DPP10: variants seen among roughly 807,000 people sequenced by gnomAD.
DPP10 encodes the protein dipeptidyl peptidase like 10.
DPP10 carries 33 observed loss-of-function variants against 120.9 expected under a neutral mutation model. The observed-to-expected ratio is 0.27, with a 90% confidence interval of 0.21 to 0.37. DPP10 has a LOEUF of 0.37. DPP10 is among the 10% of genes least tolerant of loss of function. The probability of loss-of-function intolerance (pLI) is 1.00; values close to 1 mark genes in which losing one functional copy is unlikely to be tolerated. For synonymous variants in DPP10, 337 were observed against 326.1 expected (o/e 1.03, Z -0.36); for missense variants, 816 against 942.8 (o/e 0.87, Z 1.76).
chr2:114,667,287 T>C (rs1000158011), intron 1 of DPP10, among the ~76,000 whole-genome samples: 1 of 152,208 alleles, frequency 6.6e-6, no homozygotes, highest in African/African-American at 2.4e-5. Context: ...CCTTAAACTA[T>C]AGTCATTGCC....
rs1008925789 is a variant in DPP10, at chr2:114,849,016, TA to T, written c.60+406180del. On this transcript the variant is annotated intron_variant, in intron 1 of 25. Coordinates refer to ENST00000410059, the MANE Select transcript of DPP10 (RefSeq NM_020868.6). ...TCTGGGGCCTCTTTTATAAGGGCAC[TA>T]ATCCCATTCATGAGAGCACTGCAAT... 5.2e-4 allele frequency among the ~76,000 whole-genome samples: 79 copies of T among 152,186 alleles called. 1 individual carries two copies. The highest frequency in any genetic ancestry group is 3.9e-3 in the Admixed American group (60 of 15,282).
intron 7 of DPP10, among the ~76,000 whole-genome samples, chr2:115,720,499 T>C (rs1247565634): frequency 6.6e-6 from 1 of 152,148 alleles, no homozygotes; most frequent in Non-Finnish European, 1.5e-5. Flanking sequence ...ATAAAGGTTT[T>C]GCAACAGCTT....
chr2:114,710,874 G>A (rs1043566003), intron 1 of DPP10, among the ~76,000 whole-genome samples: 2 of 152,216 alleles, frequency 1.3e-5, no homozygotes, highest in Non-Finnish European at 2.9e-5. Flanking sequence ...ATACAGACAA[G>A]GGTTGTTCCA....
At chr2:115,515,517 G>GT (rs2077456520) in intron 4 of DPP10, among the ~76,000 whole-genome samples, 2 of 151,990 alleles carry the variant, frequency 1.3e-5, no homozygotes, top group Admixed American at 1.3e-4. Flanking sequence ...TTGAATTCCT[G>GT]TGCATAAGTC....
chr2:115,478,657 G>A (rs1261460418), intron 3 of DPP10, among the ~76,000 whole-genome samples: 2 of 152,068 alleles, frequency 1.3e-5, no homozygotes, highest in Admixed American at 6.6e-5. Flanking sequence ...CATATCTATG[G>A]TAAGGGATTA....
chr2:114,590,371 A>G (rs1046192396), intron 1 of DPP10, among the ~76,000 whole-genome samples: 2 of 152,180 alleles, frequency 1.3e-5, no homozygotes, highest in African/African-American at 4.8e-5. Context: ...TATGAATCAG[A>G]TCTTCACTCA....
At chr2:114,532,108 A>AT (rs1686040264) in intron 1 of DPP10, among the ~76,000 whole-genome samples, 1 of 151,506 alleles carries the variant, frequency 6.6e-6, no homozygotes, top group South Asian at 2.1e-4. Flanking sequence ...GGATCAAAAT[A>AT]TATGCCATCA....
At chr2:114,527,937 G>A (rs77283624) in intron 1 of DPP10, among the ~76,000 whole-genome samples, 3,291 of 152,234 alleles carry the variant, frequency 0.022, 111 homozygotes, top group African/African-American at 0.074. Flanking sequence ...TGGGACTACC[G>A]TCATATATAT....
chr2:115,709,928 T>C (rs2092263114), intron 7 of DPP10, among the ~76,000 whole-genome samples: 1 of 151,974 alleles, frequency 6.6e-6, no homozygotes, highest in Non-Finnish European at 1.5e-5. Flanking sequence ...ATATTCAAGG[T>C]GCTCAGTGAA....
At chr2:114,824,665 G>A (rs932083536) in intron 1 of DPP10, among the ~76,000 whole-genome samples, 2 of 151,662 alleles carry the variant, frequency 1.3e-5, no homozygotes, top group Non-Finnish European at 2.9e-5. Context: ...TTAGAATATT[G>A]GAGACAGGAA....
intron 9 of DPP10, among the ~76,000 whole-genome samples, chr2:115,743,705 T>C (rs1177182760): frequency 1.4e-5 from 2 of 141,214 alleles, no homozygotes; most frequent in Non-Finnish European, 3.1e-5. Context: ...AAATTTCTGA[T>C]TTGTGACATA....
chr2:114,840,044 T>G (rs950181171), intron 1 of DPP10, among the ~76,000 whole-genome samples: 3 of 152,112 alleles, frequency 2.0e-5, no homozygotes, highest in Non-Finnish European at 4.4e-5. Flanking sequence ...TGGGGTAATA[T>G]CTCTCCCCTC....
At chr2:115,106,633 A>ATT (rs141868996) in intron 1 of DPP10, among the ~76,000 whole-genome samples, 3 of 150,648 alleles carry the variant, frequency 2.0e-5, no homozygotes, top group East Asian at 2.0e-4. Context: ...CTAATTTTAC[A>ATT]TTTTTTTTTC....
At chr2:115,297,833 T>C (rs2060956860) in intron 1 of DPP10, among the ~76,000 whole-genome samples, 1 of 152,038 alleles carries the variant, frequency 6.6e-6, no homozygotes, top group Admixed American at 6.6e-5. Flanking sequence ...TGGTCTGCCT[T>C]GTTAGTAATC....
At chr2:114,651,678 C>G (rs2105487649) in intron 1 of DPP10, among the ~76,000 whole-genome samples, 1 of 152,088 alleles carries the variant, frequency 6.6e-6, no homozygotes, top group South Asian at 2.1e-4. Context: ...CTTGGGCTCC[C>G]CTCTAGACAA....
chr2:115,373,671 T>A (rs1330545297), intron 3 of DPP10, among the ~76,000 whole-genome samples: 1 of 152,082 alleles, frequency 6.6e-6, no homozygotes, highest in Non-Finnish European at 1.5e-5. Flanking sequence ...AAAGTTCTGA[T>A]GGATTTATCC....
chr2:115,155,105 C>T (rs866763997), intron 1 of DPP10, among the ~76,000 whole-genome samples: 11 of 151,444 alleles, frequency 7.3e-5, no homozygotes, highest in African/African-American at 2.4e-4. Flanking sequence ...GACGGGGTTT[C>T]GCCATTTGAC....
At chr2:114,508,789 G>T (rs925453617) in intron 1 of DPP10, among the ~76,000 whole-genome samples, 19 of 152,112 alleles carry the variant, frequency 1.2e-4, no homozygotes, top group Non-Finnish European at 1.0e-4. Context: ...AGGTTAGCTT[G>T]TCCCCATCTC....
intron 1 of DPP10, among the ~76,000 whole-genome samples, chr2:114,851,149 A>G (rs1454323969): frequency 6.6e-6 from 1 of 152,202 alleles, no homozygotes; most frequent in Non-Finnish European, 1.5e-5. Context: ...AATTAAAAGT[A>G]ATCAAGAAAT....
Sources: allele counts gnomAD v4.1 joint callset (sites outside exome capture counted in the v4.1 genomes callset), GRCh38; gene constraint gnomAD v4.1.1; transcripts MANE v1.5; gene names NCBI Gene and HGNC (gene_info 2026-07-23, HGNC 2026-07-21).